Variants in NPNT observed in about 807,000 individuals in gnomAD.
The protein encoded by NPNT is preosteoblast EGF-like repeat protein with MAM domain.
A neutral mutation model predicts 68.6 loss-of-function variants in NPNT; 45 were observed. The ratio of observed to expected loss-of-function variants is 0.66; its 90% CI spans 0.52 to 0.84. The LOEUF is 0.84. NPNT is among the 40% of genes least tolerant of loss of function. The probability of loss-of-function intolerance (pLI) is 0.00; values close to 1 mark genes in which losing one functional copy is unlikely to be tolerated. For synonymous variants in NPNT, 233 were observed against 253.3 expected, an observed-to-expected ratio of 0.92 and a Z score of 0.76; for missense variants, 672 against 714.8, an observed-to-expected ratio of 0.94 and a Z score of 0.68.
chr4:105,967,119 C>A, intron 10 of NPNT, 69 bp from the exon 11 acceptor site: 1 of 1,400,736 alleles, frequency 7.1e-7, no homozygotes, highest in Non-Finnish European at 9.8e-7. Flanking sequence ...AACTAAAACT[C>A]CTGTCCATGC....
Position 105,895,515 on chromosome 4 carries a change from G to C in NPNT, c.-138G>C, listed in dbSNP as rs532628073. The C allele has an allele frequency of 2.2e-5, 15 of 684,494 alleles. No homozygotes were observed. The allele number at this position is 684,494 out of a possible 1,614,324, so 42.4% of individuals were successfully genotyped here. On this transcript the variant is annotated 5_prime_UTR_variant, in exon 1 of 12. Transcript: ENST00000379987. ...GCCGCGCGCCTCGCCGCTGTCCTCC[G>C]GGAGCGGCAGCAGTAGCCCGGGCGG...
intron 3 of NPNT, among the ~76,000 whole-genome samples, chr4:105,934,836 T>G (rs1325669289): frequency 1.3e-5 from 2 of 152,202 alleles, no homozygotes; most frequent in Non-Finnish European, 2.9e-5. Context: ...AACCCCAAAG[T>G]GCTTTTGCCA....
chr4:105,932,686 C>G (rs1391458999), intron 3 of NPNT: 2 of 1,535,836 alleles, frequency 1.3e-6, no homozygotes, highest in African/African-American at 2.7e-5. Flanking sequence ...CACCAAGCCA[C>G]AAGTTTGCCT....
chr4:105,900,192 C>A (rs1038765821), intron 2 of NPNT, among the ~76,000 whole-genome samples: 2 of 152,212 alleles, frequency 1.3e-5, no homozygotes, highest in Non-Finnish European at 2.9e-5. Context: ...ATTCTCCCTT[C>A]CTCATCAGAG....
At chr4:105,940,479 A>G in intron 6 of NPNT, 35 bp from the exon 7 acceptor site, 2 of 1,591,890 alleles carry the variant, frequency 1.3e-6, no homozygotes, top group South Asian at 2.3e-5. Context: ...TTTATCTCCT[A>G]AATAAGTCTC....
intron 2 of NPNT, among the ~76,000 whole-genome samples, chr4:105,926,789 G>A (rs1487501966): frequency 1.3e-5 from 2 of 152,104 alleles, no homozygotes; most frequent in Non-Finnish European, 2.9e-5. Context: ...GGTTAAGAAA[G>A]ATCAAGATAC....
chr4:105,933,737 AT>A (rs539754894), intron 3 of NPNT, among the ~76,000 whole-genome samples: 1 of 152,036 alleles, frequency 6.6e-6, no homozygotes, highest in East Asian at 1.9e-4. Flanking sequence ...AAAATTTCTG[AT>A]TTTTTTCCTG....
At position 105,938,285 on chromosome 4, in the gene NPNT, G is replaced by A; in HGVS notation, c.386-16G>A. 1 of 1,610,400 alleles carries A rather than the reference G, an allele frequency of 6.2e-7. No individual in the cohort carries two copies. The highest frequency in any genetic ancestry group is 8.5e-7 in the Non-Finnish European group (1 of 1,178,714). The stretch of plus-strand genomic sequence containing the variant: ...GTTTTCTACCTGTCTGAGTCAGCCA[G>A]TCACTCTCTTTCCAGGTGCCCTGAC... On this transcript the variant is annotated splice_polypyrimidine_tract_variant and intron_variant, in intron 4 of 11. Coordinates refer to ENST00000379987, the MANE Select transcript of NPNT (RefSeq NM_001033047.3).
At chr4:105,914,954 C>G (rs534428922) in intron 2 of NPNT, among the ~76,000 whole-genome samples, 1 of 152,246 alleles carries the variant, frequency 6.6e-6, no homozygotes, top group Non-Finnish European at 1.5e-5. Flanking sequence ...GCCTTAATCA[C>G]AAAGTTGTAG....
At chr4:105,964,670 T>A (rs1168700922) in intron 10 of NPNT, among the ~76,000 whole-genome samples, 1 of 152,212 alleles carries the variant, frequency 6.6e-6, no homozygotes, top group Non-Finnish European at 1.5e-5. Flanking sequence ...TTTTCTCTGA[T>A]GTTCTTTATT....
rs780428963 is a variant in NPNT at position 105,938,354 on chromosome 4, G to A, written c.439G>A (p.Gly147Arg). 4 of 1,613,742 alleles carry A rather than the reference G, an allele frequency of 2.5e-6. No individual in the cohort carries two copies. Among genetic ancestry groups the A allele is most frequent in the South Asian group, 1.1e-5 (1 of 91,072 alleles). Residue 147 changes from glycine (G) to arginine (R), a missense_variant, in exon 5 of 12, where the codon GGA (glycine) becomes AGA (arginine). By Grantham distance (125) the Gly-to-Arg change is moderately radical (BLOSUM62 -2). Transcript: ENST00000379987. ...TCAGTATGGCTGTGATGTTGTTAAAGGACAAATACGGTGCCAGTGCCCATC... is the reference window on the plus strand; with the variant it reads ...TCAGTATGGCTGTGATGTTGTTAAAAGACAAATACGGTGCCAGTGCCCATC... ...NCQYGCDVVK[G>R]QIRCQCPSPG...
chr4:105,898,290 T>TTCTCTCTCTCTCTCTCTC (rs148494812), intron 2 of NPNT, among the ~76,000 whole-genome samples: 3 of 94,772 alleles, frequency 3.2e-5, no homozygotes, highest in African/African-American at 1.0e-4. Context: ...CCAGGTTTAT[T>TTCTCTCTCTCTCTCTCTC]TCTCTCTCTC....
Position 105,917,272 on chromosome 4 carries a change from C to G in NPNT, c.173-10064C>G, listed in dbSNP as rs559144558. On this transcript the variant is annotated intron_variant, in intron 2 of 11. Transcript: ENST00000379987. ...TTCATGCCTGTTGGCTTTTCTTATG[C>G]TGCTCAGTCTGAGTCAAAGGCCCTT... is the stretch of plus-strand genomic sequence containing the variant. Among the ~76,000 whole-genome samples, 4 of 152,300 alleles carry G rather than the reference C, an allele frequency of 2.6e-5. No homozygotes were observed. The East Asian group carries it at 7.7e-4, about 29-fold the overall frequency.
chr4:105,918,727 C>A (rs1728010864), intron 2 of NPNT, among the ~76,000 whole-genome samples: 1 of 152,136 alleles, frequency 6.6e-6, no homozygotes, highest in South Asian at 2.1e-4. Flanking sequence ...ATTTTTATAT[C>A]CCCAATTTTT....
At chr4:105,907,493 G>A (rs1190732925) in intron 2 of NPNT, among the ~76,000 whole-genome samples, 2 of 152,172 alleles carry the variant, frequency 1.3e-5, no homozygotes, top group East Asian at 1.9e-4. Flanking sequence ...GTGGCAGCGA[G>A]CTGAGAAAGT....
chr4:105,947,479 G>A (rs1730476498), intron 8 of NPNT, among the ~76,000 whole-genome samples: 1 of 151,952 alleles, frequency 6.6e-6, no homozygotes, highest in Non-Finnish European at 1.5e-5. Flanking sequence ...CTCCATTCGG[G>A]GTCCCTGACT....
intron 2 of NPNT, among the ~76,000 whole-genome samples, chr4:105,909,649 A>G (rs1727195259): frequency 6.6e-6 from 1 of 152,168 alleles, no homozygotes; most frequent in South Asian, 2.1e-4. Context: ...TTATAAATGT[A>G]CAGAGTTAGG....
chr4:105,897,970 C>T lies in NPNT; in HGVS notation c.141C>T (p.Gly47=), dbSNP rs1377574120. The T allele has an allele frequency of 1.2e-6, 2 of 1,612,356 alleles. No individual in the cohort carries two copies. Among genetic ancestry groups the T allele is most frequent in the African/African-American group, 2.7e-5 (2 of 74,762 alleles). The part of the protein sequence containing the change: ...RYGGRIDCCW[G]WARQSWGQCQ... ...GTGGGAGGATTGACTGCTGCTGGGG[C>T]TGGGCTCGCCAGTCTTGGGGACAGT... The change falls in exon 2 of 12, where the codon GGC becomes GGT. Residue 47 remains glycine (G), a synonymous_variant. Transcript: ENST00000379987.
chr4:105,895,614 G>C lies in NPNT; in HGVS notation c.-39G>C, dbSNP rs1725751332. The C allele has an allele frequency of 1.3e-6, 2 of 1,534,020 alleles. No individual in the cohort carries two copies. The highest frequency in any genetic ancestry group is 1.8e-6 in the Non-Finnish European group (2 of 1,134,122). ...CGCCCACCACCCCAACCTGTTCCTC[G>C]CGCGCCACTGCGCTGCGCCCCAGGA... On this transcript the variant is annotated 5_prime_UTR_variant, in exon 1 of 12. Coordinates refer to ENST00000379987, the MANE Select transcript of NPNT (RefSeq NM_001033047.3).
Sources: allele counts gnomAD v4.1 joint callset (sites outside exome capture counted in the v4.1 genomes callset), GRCh38; gene constraint gnomAD v4.1.1; transcripts MANE v1.5; gene names NCBI Gene and HGNC (gene_info 2026-07-23, HGNC 2026-07-21).